PRTFDC1: variants seen among roughly 807,000 people sequenced by gnomAD.
PRTFDC1 encodes phosphoribosyl transferase domain containing 1.
A neutral mutation model predicts 34.6 loss-of-function variants in PRTFDC1; 38 were observed. The observed-to-expected ratio is 1.10, with a 90% CI of 0.85 to 1.44. PRTFDC1 has a LOEUF of 1.44. Among genes scored for constraint, PRTFDC1 ranks in the 40% most tolerant of loss-of-function variants. PRTFDC1 has a pLI of 0.00. For missense variants in PRTFDC1, 270 were observed against 283.0 expected, an observed-to-expected ratio of 0.95 and a Z score of 0.33; for synonymous variants, 93 against 98.1, an observed-to-expected ratio of 0.95 and a Z score of 0.31.
intron 3 of PRTFDC1, among the ~76,000 whole-genome samples, chr10:24,935,665 G>A (rs1849038560): frequency 6.6e-6 from 1 of 152,190 alleles, no homozygotes; most frequent in African/African-American, 2.4e-5. Flanking sequence ...TGACTAGTCA[G>A]ATGACTTTGA....
At chr10:24,928,591 C>T (rs935255462) in intron 3 of PRTFDC1, among the ~76,000 whole-genome samples, 2 of 152,016 alleles carry the variant, frequency 1.3e-5, no homozygotes, top group African/African-American at 2.4e-5. Flanking sequence ...TTACACGTGC[C>T]CACCACCACG....
At chr10:24,864,741 C>T (rs1025466612) in intron 4 of PRTFDC1, among the ~76,000 whole-genome samples, 1 of 152,136 alleles carries the variant, frequency 6.6e-6, no homozygotes, top group East Asian at 1.9e-4. Context: ...ACCAAATCCA[C>T]AATAACTCTG....
At chr10:24,862,726 T>C (rs1847703169) in intron 4 of PRTFDC1, among the ~76,000 whole-genome samples, 1 of 152,148 alleles carries the variant, frequency 6.6e-6, no homozygotes, top group African/African-American at 2.4e-5. Flanking sequence ...AACCCTGTGT[T>C]GAGCACGTGT....
At chr10:24,905,072 C>T (rs1000087551) in intron 3 of PRTFDC1, among the ~76,000 whole-genome samples, 5 of 151,396 alleles carry the variant, frequency 3.3e-5, no homozygotes, top group South Asian at 4.2e-4. Context: ...TTTGGAAGGC[C>T]GAGGTGGGTG....
In PRTFDC1 at chr10:24,862,527, A is replaced by T. The variant is rs1478725065; in HGVS notation, c.406-4118T>A. 2.6e-5 allele frequency among the ~76,000 whole-genome samples: 4 copies of T among 151,812 alleles called. No homozygotes were observed. The South Asian group carries it at 6.3e-4, about 24-fold the overall frequency. On this transcript the variant is annotated intron_variant, in intron 4 of 8. Coordinates refer to ENST00000320152, the MANE Select transcript of PRTFDC1 (RefSeq NM_020200.7). ...GTAGCTGGGATTACAAGTGTGCACC[A>T]TCACGCATGCATAATTTTTGTATTT...
At chr10:24,892,393 C>T (rs1366102905) in intron 3 of PRTFDC1, among the ~76,000 whole-genome samples, 2 of 152,082 alleles carry the variant, frequency 1.3e-5, no homozygotes, top group African/African-American at 4.8e-5. Flanking sequence ...TCTCCATCCT[C>T]ATCAGCATTT....
chr10:24,934,206 C>G (rs1326926836), intron 3 of PRTFDC1, among the ~76,000 whole-genome samples: 1 of 148,682 alleles, frequency 6.7e-6, no homozygotes, highest in Admixed American at 6.8e-5. Flanking sequence ...TCAAATTCTA[C>G]TGGACACAAA....
intron 3 of PRTFDC1, among the ~76,000 whole-genome samples, chr10:24,884,925 C>T (rs1245210944): frequency 6.6e-6 from 1 of 152,212 alleles, no homozygotes; most frequent in East Asian, 1.9e-4. Flanking sequence ...ACCCAGGACT[C>T]TCAGTGCTAT....
At chr10:24,943,753 C>T (rs1280459463) in intron 1 of PRTFDC1, among the ~76,000 whole-genome samples, 1 of 151,852 alleles carries the variant, frequency 6.6e-6, no homozygotes, top group Non-Finnish European at 1.5e-5. Context: ...GGTTTTGCCA[C>T]GTTGCCCAGG....
chr10:24,907,956 T>C (rs529162873), intron 3 of PRTFDC1, among the ~76,000 whole-genome samples: 5 of 152,232 alleles, frequency 3.3e-5, no homozygotes, highest in African/African-American at 1.2e-4. Flanking sequence ...CAAAATGGCA[T>C]GACCTTTGTC....
At chr10:24,939,009 G>A (rs754488929) in intron 2 of PRTFDC1, among the ~76,000 whole-genome samples, 3 of 152,056 alleles carry the variant, frequency 2.0e-5, no homozygotes, top group Non-Finnish European at 2.9e-5. Flanking sequence ...TAGTAAGTGA[G>A]GCTTAAAAAT....
At chr10:24,880,813 C>CTCTTCCTT (rs1848055640) in intron 3 of PRTFDC1, among the ~76,000 whole-genome samples, 1 of 114,928 alleles carries the variant, frequency 8.7e-6, no homozygotes, top group Non-Finnish European at 1.8e-5. Flanking sequence ...TACTGTCTTT[C>CTCTTCCTT]TCTTTCTTTC....
At chr10:24,937,492 AAC>A in intron 2 of PRTFDC1, 125 bp from the exon 3 acceptor site, 1 of 801,458 alleles carries the variant, frequency 1.2e-6, no homozygotes, top group Non-Finnish European at 1.8e-6. Flanking sequence ...AACCTTGGGA[AAC>A]AGAAACCCAC....
chr10:24,912,483 G>T (rs901539978), intron 3 of PRTFDC1, among the ~76,000 whole-genome samples: 4 of 151,598 alleles, frequency 2.6e-5, no homozygotes, highest in African/African-American at 9.7e-5. Context: ...GTATTTCCCT[G>T]ATGACTAATG....
At chr10:24,862,360 C>T (rs1847693503) in intron 4 of PRTFDC1, among the ~76,000 whole-genome samples, 1 of 150,392 alleles carries the variant, frequency 6.6e-6, no homozygotes, top group African/African-American at 2.5e-5. Context: ...GCAGTATAGG[C>T]ATACCTTGTT....
chr10:24,871,965 CA>C (rs1847876557), intron 4 of PRTFDC1, 32 bp downstream of exon 4: 1 of 1,571,880 alleles, frequency 6.4e-7, no homozygotes, highest in African/African-American at 1.4e-5. Flanking sequence ...CCCCAGACCT[CA>C]ATGCGGTCTG....
chr10:24,947,076 G>A (rs1199293004), intron 1 of PRTFDC1, among the ~76,000 whole-genome samples: 1 of 152,194 alleles, frequency 6.6e-6, no homozygotes, highest in African/African-American at 2.4e-5. Context: ...GGAGGTCAAG[G>A]CTGTAGTAAG....
chr10:24,895,216 G>A (rs933333264), intron 3 of PRTFDC1, among the ~76,000 whole-genome samples: 3 of 149,868 alleles, frequency 2.0e-5, no homozygotes, highest in African/African-American at 5.0e-5. Context: ...TTTTATATCC[G>A]AGTAGGATTT....
At chr10:24,859,195 C>G (rs944498222) in intron 4 of PRTFDC1, among the ~76,000 whole-genome samples, 7 of 152,100 alleles carry the variant, frequency 4.6e-5, no homozygotes, top group Admixed American at 2.6e-4. Flanking sequence ...TGTATGACAC[C>G]TCCCCCTCTT....
Sources: allele counts gnomAD v4.1 joint callset (sites outside exome capture counted in the v4.1 genomes callset), GRCh38; gene constraint gnomAD v4.1.1; transcripts MANE v1.5; gene names NCBI Gene and HGNC (gene_info 2026-07-23, HGNC 2026-07-21).